Variants in DCP2 observed in about 807,000 individuals in gnomAD.
DCP2 encodes decapping mRNA 2.
In DCP2, 30 loss-of-function variants were observed where a neutral mutation model predicts 56.1. That is an observed-to-expected ratio of 0.53 (90% confidence interval 0.40 to 0.73). DCP2 has a LOEUF of 0.73. DCP2 is among the 30% of genes least tolerant of loss of function. The pLI, the probability that DCP2 is intolerant of heterozygous loss-of-function variation, is 0.00. For missense variants in DCP2, 533 were observed against 502.7 expected (o/e 1.06, Z -0.58); for synonymous variants, 197 against 163.3 (o/e 1.21, Z -1.57).
At chr5:112,993,331 G>T (rs779531002) in intron 4 of DCP2, among the ~76,000 whole-genome samples, 3 of 151,862 alleles carry the variant, frequency 2.0e-5, no homozygotes, top group Non-Finnish European at 2.9e-5. Context: ...ATTTGTTTCG[G>T]CCTTTAAATT....
At chr5:112,995,601 A>G (rs1748811572) in intron 4 of DCP2, among the ~76,000 whole-genome samples, 1 of 152,224 alleles carries the variant, frequency 6.6e-6, no homozygotes, top group Non-Finnish European at 1.5e-5. Flanking sequence ...TCTTAATTTC[A>G]GGGAGAATTT....
intron 4 of DCP2, among the ~76,000 whole-genome samples, chr5:112,994,864 A>C (rs962438457): frequency 8.5e-5 from 13 of 152,168 alleles, no homozygotes; most frequent in Admixed American, 2.6e-4. Flanking sequence ...TTAAGGAAAA[A>C]ATTCTAAGGT....
chr5:113,000,420 A>C (rs12516601), intron 4 of DCP2, among the ~76,000 whole-genome samples: 17,527 of 146,658 alleles, frequency 0.12, 1,195 homozygotes, highest in South Asian at 0.18. Context: ...ACACACACAC[A>C]CACACCCACA....
chr5:112,993,856 CTA>C (rs1748713614), intron 4 of DCP2, among the ~76,000 whole-genome samples: 1 of 152,012 alleles, frequency 6.6e-6, no homozygotes, highest in Non-Finnish European at 1.5e-5. Flanking sequence ...GTATGTGTAT[CTA>C]TGTGTGTGTG....
At chr5:112,981,813 C>T (rs144701943) in intron 1 of DCP2, among the ~76,000 whole-genome samples, 7 of 152,168 alleles carry the variant, frequency 4.6e-5, no homozygotes, top group South Asian at 2.1e-4. Context: ...GCTCGTTTGC[C>T]CAGGCTGGAG....
rs1009934692 is a variant in DCP2 at position 113,021,766 on chromosome 5, T to C, written c.*8282T>C. 6.6e-6 allele frequency among the ~76,000 whole-genome samples: 1 copy of C among 152,236 alleles called. No homozygotes were observed. Among genetic ancestry groups the C allele is most frequent in the Admixed American group, 6.5e-5 (1 of 15,290 alleles). The stretch of plus-strand genomic sequence containing the variant: ...TGTAATCTTTCTCTAACAGATGTGT[T>C]GCAAAGCTGCTTGCCATCTTGTTGT... On this transcript the variant is annotated 3_prime_UTR_variant, in exon 11 of 11. Coordinates refer to ENST00000389063, the MANE Select transcript of DCP2 (RefSeq NM_152624.6).
At chr5:112,977,493 T>TA (rs1377473140) in intron 1 of DCP2, among the ~76,000 whole-genome samples, 1 of 152,234 alleles carries the variant, frequency 6.6e-6, no homozygotes, top group African/African-American at 2.4e-5. Flanking sequence ...GCCTGCGTGT[T>TA]ATTTGTCCGT....
chr5:112,998,721 CTA>C (rs886172050), intron 4 of DCP2, among the ~76,000 whole-genome samples: 91 of 152,310 alleles, frequency 6.0e-4, no homozygotes, highest in African/African-American at 2.2e-3. Context: ...ACCATAGTTG[CTA>C]TATTACTTTC....
chr5:112,978,126 G>C (rs1235284033), intron 1 of DCP2, among the ~76,000 whole-genome samples: 1 of 151,968 alleles, frequency 6.6e-6, no homozygotes, highest in Non-Finnish European at 1.5e-5. Context: ...ACAGGCACCC[G>C]CCACCACACC....
chr5:112,990,629 A>G (rs1162126108), intron 2 of DCP2, among the ~76,000 whole-genome samples: 1 of 151,990 alleles, frequency 6.6e-6, no homozygotes, highest in African/African-American at 2.4e-5. Context: ...AATTGTAGGG[A>G]CAGGGTCTTA....
Position 113,001,634 on chromosome 5 carries a change from A to C in DCP2, c.766A>C (p.Thr256Pro). 6.2e-7 allele frequency: 1 copy of C among 1,614,192 alleles called. No individual in the cohort carries two copies. ...AGACAGTGACAATGGATTTTCCTCA[A>C]CTGGTAGCACGCCGGCTAAACCCAC... is the stretch of plus-strand genomic sequence containing the variant. ...SSDSDNGFSS[T>P]GSTPAKPTVE... is the part of the protein sequence containing the mutation. Residue 256 changes from threonine to proline, a missense_variant, in exon 7 of 11, where the codon ACT becomes CCT. Thr to Pro is a conservative substitution (Grantham distance 38, BLOSUM62 -1). Transcript: ENST00000389063.
chr5:112,984,834 A>G (rs1383729390), intron 1 of DCP2, among the ~76,000 whole-genome samples: 3 of 104,206 alleles, frequency 2.9e-5, no homozygotes, highest in Admixed American at 2.6e-4. Flanking sequence ...CCTCCCAAGC[A>G]GCTAGGACTA....
intron 1 of DCP2, among the ~76,000 whole-genome samples, chr5:112,981,179 A>T (rs985419495): frequency 6.6e-6 from 1 of 151,946 alleles, no homozygotes. Flanking sequence ...CAGGTATTAA[A>T]TACATTTTTT....
rs200645627 is a variant in DCP2 at position 112,992,290 on chromosome 5, G to C, written c.333+42G>C. 27 of 1,575,502 alleles carry C rather than the reference G, an allele frequency of 1.7e-5. No individual in the cohort carries two copies. In the Admixed American group the frequency reaches 5.3e-4, roughly 31 times the overall value. On this transcript the variant is annotated intron_variant, in intron 3 of 10. Transcript: ENST00000389063. ...AAAGATTTTTAGTGAAATGGTGATC[G>C]TTAATCTGTTAACAAAATTTGTTAT...
At chr5:112,997,669 G>C (rs897558162) in intron 4 of DCP2, among the ~76,000 whole-genome samples, 2 of 151,030 alleles carry the variant, frequency 1.3e-5, no homozygotes, top group African/African-American at 4.9e-5. Flanking sequence ...GAGTGCAGTG[G>C]TGCGATCTCA....
chr5:113,001,684 T>G lies in DCP2; in HGVS notation c.806+10T>G. ...CTGTGGAAAAATTGAGGTAAAGAAA[T>G]ACATTCATGGAATCCTGATTTTCTA... On this transcript the variant is annotated intron_variant, in intron 7 of 10. Coordinates refer to ENST00000389063, the MANE Select transcript of DCP2 (RefSeq NM_152624.6). 1 of 1,604,664 alleles carries G rather than the reference T, an allele frequency of 6.2e-7. No individual in the cohort carries two copies. Among genetic ancestry groups the G allele is most frequent in the Non-Finnish European group, 8.5e-7 (1 of 1,171,566 alleles).
At chr5:113,002,262 G>A (rs13183347) in intron 7 of DCP2, among the ~76,000 whole-genome samples, 68,711 of 151,398 alleles carry the variant, frequency 0.45, 16,436 homozygotes, top group East Asian at 0.64. Context: ...ATCTCTACTA[G>A]AAGTACAAAA....
At chr5:112,988,124 C>T (rs1382591769) in intron 2 of DCP2, among the ~76,000 whole-genome samples, 1 of 152,058 alleles carries the variant, frequency 6.6e-6, no homozygotes, top group Non-Finnish European at 1.5e-5. Context: ...TGTTCTGTAA[C>T]AGTTAACTGT....
chr5:112,980,338 A>G (rs1190622694), intron 1 of DCP2, among the ~76,000 whole-genome samples: 2 of 152,228 alleles, frequency 1.3e-5, no homozygotes, highest in African/African-American at 2.4e-5. Context: ...TGTTGCTGCT[A>G]TTTTGGTGAT....
Sources: allele counts gnomAD v4.1 joint callset (sites outside exome capture counted in the v4.1 genomes callset), GRCh38; gene constraint gnomAD v4.1.1; transcripts MANE v1.5; gene names NCBI Gene and HGNC (gene_info 2026-07-23, HGNC 2026-07-21).